The following GHR variants were observed in gnomAD, a reference collection of about 807,000 sequenced individuals.
GHR encodes GH receptor.
In GHR, 35 loss-of-function variants were observed where a neutral mutation model predicts 67.1. That is an observed-to-expected ratio of 0.52 (90% CI 0.40 to 0.69). GHR has a LOEUF of 0.69. Ranked by LOEUF, GHR falls within the 30% of genes least tolerant of loss-of-function variation. GHR has a pLI of 0.00. For synonymous variants in GHR, 272 were observed against 269.1 expected (o/e 1.01, Z -0.10); for missense variants, 792 against 764.6 (o/e 1.04, Z -0.42).
intron 2 of GHR, among the ~76,000 whole-genome samples, chr5:42,618,481 G>C (rs10941582): frequency 0.23 from 35,267 of 152,036 alleles, 4,826 homozygotes; most frequent in African/African-American, 0.37. Flanking sequence ...TATTTATTGA[G>C]AGCCTGCTGT....
chr5:42,468,977 G>A (rs1358480113), intron 1 of GHR: 1 of 369,580 alleles, frequency 2.7e-6, no homozygotes, highest in African/African-American at 2.1e-5. Context: ...TTTGAAATCC[G>A]CCTGTAAATG....
intron 3 of GHR, among the ~76,000 whole-genome samples, chr5:42,670,229 T>C (rs1756204332): frequency 6.6e-6 from 1 of 152,152 alleles, no homozygotes; most frequent in South Asian, 2.1e-4. Context: ...ACATCTATGA[T>C]CAATTGATTT....
intron 6 of GHR, among the ~76,000 whole-genome samples, chr5:42,710,080 A>C (rs1464780080): frequency 2.6e-5 from 4 of 152,296 alleles, no homozygotes; most frequent in African/African-American, 9.6e-5. Flanking sequence ...TAATAAAGTA[A>C]GTTCAGTATT....
intron 1 of GHR, among the ~76,000 whole-genome samples, chr5:42,434,475 C>T (rs1743235194): frequency 6.8e-6 from 1 of 146,398 alleles, no homozygotes; most frequent in Non-Finnish European, 1.5e-5. Context: ...ACTTGAGTCT[C>T]ATATCCTCAC....
At chr5:42,669,952 A>G (rs77919803) in intron 3 of GHR, among the ~76,000 whole-genome samples, 2,647 of 150,330 alleles carry the variant, frequency 0.018, 137 homozygotes, top group South Asian at 0.15. Context: ...ATACTACCCA[A>G]AGCAATCTAT....
At chr5:42,454,768 A>G (rs79367045) in intron 1 of GHR, among the ~76,000 whole-genome samples, 314 of 151,728 alleles carry the variant, frequency 2.1e-3, no homozygotes, top group African/African-American at 7.3e-3. Flanking sequence ...ACTCAGTCTT[A>G]CTCCAGGCCA....
intron 2 of GHR, among the ~76,000 whole-genome samples, chr5:42,626,436 G>T (rs1212244587): frequency 1.3e-5 from 2 of 152,212 alleles, no homozygotes; most frequent in African/African-American, 4.8e-5. Flanking sequence ...GATGGATAGG[G>T]TAAGGTATGT....
chr5:42,629,192 G>C, intron 3 of GHR, 89 bp downstream of exon 3: 1 of 762,514 alleles, frequency 1.3e-6, no homozygotes, highest in Middle Eastern at 3.0e-4. Context: ...TTTTATTTGG[G>C]ATGGTAGTAA....
intron 1 of GHR, among the ~76,000 whole-genome samples, chr5:42,542,309 A>T (rs377738114): frequency 6.6e-6 from 1 of 152,180 alleles, no homozygotes; most frequent in Non-Finnish European, 1.5e-5. Context: ...GTTAAATAAG[A>T]TGATTAAGAA....
intron 2 of GHR, among the ~76,000 whole-genome samples, chr5:42,592,521 G>A (rs1279098473): frequency 6.6e-6 from 1 of 152,212 alleles, no homozygotes; most frequent in East Asian, 1.9e-4. Flanking sequence ...GCAGTGTTTA[G>A]TTTTCTGTTC....
intron 3 of GHR, among the ~76,000 whole-genome samples, chr5:42,631,333 T>G (rs1349305958): frequency 1.3e-5 from 2 of 152,218 alleles, no homozygotes; most frequent in African/African-American, 4.8e-5. Flanking sequence ...CAGCTTTTTC[T>G]TATCAAAAGT....
chr5:42,634,128 C>CAT (rs1554029640), intron 3 of GHR, among the ~76,000 whole-genome samples: 2 of 149,228 alleles, frequency 1.3e-5, no homozygotes, highest in South Asian at 4.2e-4. Context: ...ATCTCTTTGT[C>CAT]TTTTTTTTTT....
chr5:42,495,606 A>G (rs1453599762), intron 1 of GHR, among the ~76,000 whole-genome samples: 2 of 152,116 alleles, frequency 1.3e-5, no homozygotes, highest in Admixed American at 1.3e-4. Context: ...AAAAAAATGC[A>G]CTGGTGTCAG....
intron 3 of GHR, among the ~76,000 whole-genome samples, chr5:42,645,161 T>C (rs1311832404): frequency 1.3e-5 from 2 of 152,216 alleles, no homozygotes; most frequent in African/African-American, 4.8e-5. Context: ...AAAGGGTTGA[T>C]AATGAAATAC....
At chr5:42,541,839 A>G (rs2112381295) in intron 1 of GHR, among the ~76,000 whole-genome samples, 1 of 152,296 alleles carries the variant, frequency 6.6e-6, no homozygotes, top group South Asian at 2.1e-4. Flanking sequence ...GAATCTGGAA[A>G]GATGAAGGTG....
intron 3 of GHR, among the ~76,000 whole-genome samples, chr5:42,665,399 A>G (rs1755905559): frequency 6.6e-6 from 1 of 152,298 alleles, no homozygotes; most frequent in East Asian, 1.9e-4. Flanking sequence ...CATATACACC[A>G]CGGAATACTA....
intron 8 of GHR, chr5:42,714,987 A>G: frequency 3.2e-6 from 1 of 313,194 alleles, no homozygotes; most frequent in Non-Finnish European, 6.1e-6. Flanking sequence ...TATGTTGTTT[A>G]GTTATATTAG....
intron 3 of GHR, among the ~76,000 whole-genome samples, chr5:42,637,249 C>T (rs1754241282): frequency 6.6e-6 from 1 of 151,994 alleles, no homozygotes; most frequent in South Asian, 2.1e-4. Context: ...TACTCTCTGG[C>T]CCTCTAAAAA....
chr5:42,619,604 T>A (rs1753337864), intron 2 of GHR: 2 of 152,170 alleles, frequency 1.3e-5, no homozygotes, highest in Admixed American at 6.6e-5. Context: ...CCTGGCACAT[T>A]GTAAGTACTC....
Sources: gnomAD v4.1 joint callset for allele counts (sites outside exome capture counted in the v4.1 genomes callset) on GRCh38, gnomAD v4.1.1 for gene constraint, MANE v1.5 for transcripts, NCBI Gene and HGNC (gene_info 2026-07-23, HGNC 2026-07-21) for gene names.